STAG3: variants seen among roughly 807,000 people sequenced by gnomAD.
STAG3 encodes the protein STAG3 cohesin complex component.
A neutral mutation model predicts 160.7 loss-of-function variants in STAG3; 101 were observed. That is an observed-to-expected ratio of 0.63 (90% CI 0.54 to 0.74). The LOEUF is 0.74. Ranked by LOEUF, STAG3 falls within the 30% of genes least tolerant of loss-of-function variation. The probability of loss-of-function intolerance (pLI) is 0.00; values close to 1 mark genes in which losing one functional copy is unlikely to be tolerated. For missense variants in STAG3, 1,188 were observed against 1,517.4 expected (o/e 0.78, Z 3.61); for synonymous variants, 519 against 585.0 (o/e 0.89, Z 1.63).
At chr7:100,201,712 C>A in intron 21 of STAG3, 74 bp from the exon 22 acceptor site, 1 of 1,262,132 alleles carries the variant, frequency 7.9e-7, no homozygotes, top group Non-Finnish European at 1.2e-6. Flanking sequence ...CTCCTCTTCA[C>A]TGGTGTGTTT....
intron 1 of STAG3, among the ~76,000 whole-genome samples, chr7:100,179,174 A>ATTTTTTTTTTT: frequency 6.9e-6 from 1 of 145,134 alleles, no homozygotes. Context: ...TATGAGTTAA[A>ATTTTTTTTTTT]TTCCCTTGCA....
chr7:100,191,872 C>T (rs964277025), intron 8 of STAG3, among the ~76,000 whole-genome samples: 1 of 152,214 alleles, frequency 6.6e-6, no homozygotes, highest in African/African-American at 2.4e-5. Flanking sequence ...CTCTCAAGCC[C>T]TGGTGCTGCT....
At position 100,205,375 on chromosome 7, in the gene STAG3, C is replaced by A. The variant is rs747177515; in HGVS notation, c.3229C>A (p.Arg1077Ser). ...PQVLPSSKRR[R>S]VEGPAKPNRE... Reference sequence around the variant, plus strand: ...GGTCCTCCCCAGCTCCAAGAGGAGGCGCGTTGAAGGTAGGGTGCTGTGTGT... The same window carrying A: ...GGTCCTCCCCAGCTCCAAGAGGAGGAGCGTTGAAGGTAGGGTGCTGTGTGT... Residue 1077 changes from arginine (R) to serine (S), a missense_variant, in exon 29 of 34, where the codon CGC (arginine) becomes AGC (serine). Around this residue, in one of 4 missense-constraint regions of STAG3, gnomAD observed 647 missense variants for 717.2 expected, o/e 0.90. Transcript: ENST00000615138. 2 of 1,612,538 alleles carry A rather than the reference C, an allele frequency of 1.2e-6. No homozygotes were observed. Among genetic ancestry groups the A allele is most frequent in the Non-Finnish European group, 1.7e-6 (2 of 1,179,412 alleles).
intron 29 of STAG3, among the ~76,000 whole-genome samples, chr7:100,206,646 A>G (rs1335831999): frequency 6.6e-6 from 1 of 151,500 alleles, no homozygotes; most frequent in Non-Finnish European, 1.5e-5. Flanking sequence ...CAATTTTTGT[A>G]TTTCTAGTAG....
chr7:100,206,982 T>C (rs963171691), intron 29 of STAG3, among the ~76,000 whole-genome samples: 6 of 152,216 alleles, frequency 3.9e-5, no homozygotes, highest in Non-Finnish European at 1.5e-5. Flanking sequence ...TGGAATCATA[T>C]AATATGTGGC....
intron 8 of STAG3, among the ~76,000 whole-genome samples, chr7:100,192,871 A>G (rs1800425933): frequency 6.6e-6 from 1 of 152,272 alleles, no homozygotes; most frequent in South Asian, 2.1e-4. Flanking sequence ...GATAGTAGGC[A>G]TGAGCCACCA....
chr7:100,199,611 G>A lies in STAG3; in HGVS notation c.1644G>A (p.Gly548=). ...LVSSARQASE[G]HPPVGRVTGR... is the part of the protein sequence containing the mutation. ...CCAGTGCCCGGCAAGCTTCAGAGGG[G>A]CACCCGCCTGTGGGCCGGGTCACTG... is the stretch of plus-strand genomic sequence containing the variant. The change falls in exon 16 of 34, where the codon GGG becomes GGA. Residue 548 remains glycine, a synonymous_variant. Coordinates refer to ENST00000615138, the MANE Select transcript of STAG3 (RefSeq NM_001282717.2). The A allele has an allele frequency of 6.3e-7, 1 of 1,575,242 alleles. No individual in the cohort carries two copies. The highest frequency in any genetic ancestry group is 8.6e-7 in the Non-Finnish European group (1 of 1,161,630).
intron 4 of STAG3, among the ~76,000 whole-genome samples, chr7:100,184,687 C>G (rs75236766): frequency 6.6e-6 from 1 of 151,798 alleles, no homozygotes; most frequent in African/African-American, 2.4e-5. Flanking sequence ...GGGATGGTCT[C>G]GATCTTTTGA....
intron 31 of STAG3, 51 bp from the exon 32 acceptor site, chr7:100,211,744 G>A (rs1802231227): frequency 6.3e-7 from 1 of 1,595,486 alleles, no homozygotes; most frequent in Non-Finnish European, 8.6e-7. Flanking sequence ...GAAACTCTCA[G>A]GGGTCCTCAA....
In STAG3 at chr7:100,188,882, T is replaced by C; in HGVS notation, c.581T>C (p.Phe194Ser). ...WKKFQGSFCE[F>S]VRTLVCQCQY... ...AAGTTCCAGGGCAGCTTCTGTGAATTTGTGAGGACATTGGTCTGTCAGTGC... is the reference window on the plus strand; with the variant it reads ...AAGTTCCAGGGCAGCTTCTGTGAATCTGTGAGGACATTGGTCTGTCAGTGC... Residue 194 changes from phenylalanine to serine, a missense_variant, in exon 7 of 34, where the codon TTT (phenylalanine) becomes TCT (serine). This residue lies in a region of STAG3 where 296 missense variants were observed against 404.0 expected (regional missense o/e 0.73). Coordinates refer to ENST00000615138, the MANE Select transcript of STAG3 (RefSeq NM_001282717.2). 1 of 1,614,152 alleles carries C rather than the reference T, an allele frequency of 6.2e-7. No homozygotes were observed. The highest frequency in any genetic ancestry group is 8.5e-7 in the Non-Finnish European group (1 of 1,180,030).
At chr7:100,216,202 G>A (rs569836394), downstream of STAG3, among the ~76,000 whole-genome samples, 3 of 152,276 alleles carry the variant, frequency 2.0e-5, no homozygotes, top group South Asian at 4.1e-4. Flanking sequence ...AAGATGTAAA[G>A]CACTCAGTCT....
At chr7:100,214,389 C>G, downstream of STAG3, 1 of 279,364 alleles carries the variant, frequency 3.6e-6, no homozygotes, top group Non-Finnish European at 6.8e-6. Flanking sequence ...CCACACGTTC[C>G]CAAGGTGTGG....
intron 32 of STAG3, chr7:100,213,325 C>T (rs754102558): frequency 3.0e-6 from 3 of 985,416 alleles, no homozygotes; most frequent in Non-Finnish European, 3.6e-6. Context: ...GGCTGCGTAT[C>T]TTCTGCTGTT....
intron 8 of STAG3, among the ~76,000 whole-genome samples, chr7:100,193,944 T>C (rs1255351960): frequency 2.7e-5 from 4 of 150,222 alleles, no homozygotes; most frequent in Non-Finnish European, 3.0e-5. Context: ...CATTTCTTTT[T>C]TTTTTTTTTT....
At chr7:100,209,498 T>C (rs1801974373) in intron 29 of STAG3, among the ~76,000 whole-genome samples, 1 of 152,146 alleles carries the variant, frequency 6.6e-6, no homozygotes, top group Non-Finnish European at 1.5e-5. Context: ...AGAGACTGGC[T>C]TTTACTCTGA....
At chr7:100,184,203 T>C (rs1054478305) in intron 4 of STAG3, among the ~76,000 whole-genome samples, 35 of 151,498 alleles carry the variant, frequency 2.3e-4, no homozygotes, top group African/African-American at 8.5e-4. Flanking sequence ...GAGGCGGAGG[T>C]TGCAGTGAGC....
chr7:100,190,051 C>T (rs1800264114), intron 8 of STAG3, among the ~76,000 whole-genome samples: 1 of 152,160 alleles, frequency 6.6e-6, no homozygotes, highest in African/African-American at 2.4e-5. Context: ...AATTTAGTCA[C>T]TAGCTCCATA....
intron 13 of STAG3, 23 bp from the exon 14 acceptor site, chr7:100,198,820 T>A (rs1262749910): frequency 6.3e-7 from 1 of 1,599,830 alleles, no homozygotes; most frequent in Non-Finnish European, 8.6e-7. Flanking sequence ...TGCTGAGCCC[T>A]TTCCTCGTGT....
chr7:100,201,250 T>C lies in STAG3; in HGVS notation c.2133-14T>C. On this transcript the variant is annotated splice_polypyrimidine_tract_variant and intron_variant, in intron 20 of 33. Coordinates refer to ENST00000615138, the MANE Select transcript of STAG3 (RefSeq NM_001282717.2). ...GTTCTTTTCCAGTATAACATTCCCCTTTCTCCCCCAAAGCACTCATGACCT... is the reference window on the plus strand; with the variant it reads ...GTTCTTTTCCAGTATAACATTCCCCCTTCTCCCCCAAAGCACTCATGACCT... The C allele has an allele frequency of 6.2e-7, 1 of 1,614,094 alleles. No homozygotes were observed. The highest frequency in any genetic ancestry group is 1.3e-5 in the African/African-American group (1 of 75,014).
Sources: allele counts gnomAD v4.1 joint callset (sites outside exome capture counted in the v4.1 genomes callset), GRCh38; gene constraint gnomAD v4.1.1; regional missense constraint gnomAD v4.1.1; transcripts MANE v1.5; gene names NCBI Gene and HGNC (gene_info 2026-07-23, HGNC 2026-07-21).